The following ULK4 variants were observed in gnomAD, a reference collection of about 807,000 sequenced individuals.
ULK4 encodes the protein inactive serine/threonine-protein kinase ULK4.
Under a neutral mutation model 160.6 loss-of-function variants are expected in ULK4, and 133 were observed. That is an observed-to-expected ratio of 0.83 (90% CI 0.72 to 0.96). ULK4 has a LOEUF of 0.96. ULK4 is among the 40% of genes least tolerant of loss of function. ULK4 has a pLI of 0.00. For synonymous variants in ULK4, 534 were observed against 539.8 expected (o/e 0.99, Z 0.15); for missense variants, 1,580 against 1,499.5 (o/e 1.05, Z -0.89).
At position 41,837,895 on chromosome 3, in the gene ULK4, T is replaced by C. The variant is rs531202427; in HGVS notation, c.1657-1924A>G. On this transcript the variant is annotated intron_variant, in intron 17 of 36. Transcript: ENST00000301831. ...CTTCTTATTGCTGAACGTATTCTATTGTATGGATGTACCAAACGTGTAACT... is the reference window on the plus strand; with the variant it reads ...CTTCTTATTGCTGAACGTATTCTATCGTATGGATGTACCAAACGTGTAACT... 2.0e-5 allele frequency among the ~76,000 whole-genome samples: 3 copies of C among 152,322 alleles called. No homozygotes were observed. In the South Asian group the frequency reaches 6.2e-4, roughly 32 times the overall value.
intron 35 of ULK4, among the ~76,000 whole-genome samples, chr3:41,313,173 G>C (rs1182789410): frequency 6.6e-6 from 1 of 152,166 alleles, no homozygotes; most frequent in Non-Finnish European, 1.5e-5. Flanking sequence ...TAGAGACACA[G>C]CAGAGATGAA....
chr3:41,677,208 A>G (rs2035751928), intron 29 of ULK4, among the ~76,000 whole-genome samples: 1 of 148,702 alleles, frequency 6.7e-6, no homozygotes, highest in Non-Finnish European at 1.5e-5. Context: ...TGTACCCAGC[A>G]GCCCCATTTG....
intron 32 of ULK4, among the ~76,000 whole-genome samples, chr3:41,498,574 TTC>T (rs1321531995): frequency 4.8e-5 from 2 of 42,032 alleles, no homozygotes; most frequent in African/African-American, 8.7e-5. Flanking sequence ...CTTCTTTTTT[TTC>T]TTTTTTTTTT....
intron 19 of ULK4, among the ~76,000 whole-genome samples, chr3:41,803,876 A>C (rs1297569083): frequency 6.6e-6 from 1 of 152,168 alleles, no homozygotes; most frequent in African/African-American, 2.4e-5. Context: ...TTCTTAATCC[A>C]GTCTATCATT....
intron 30 of ULK4, among the ~76,000 whole-genome samples, chr3:41,656,949 T>G (rs1013005974): frequency 2.6e-5 from 4 of 152,222 alleles, no homozygotes; most frequent in African/African-American, 9.6e-5. Context: ...AACAAGATAC[T>G]GGAGTGTTGC....
At chr3:41,744,098 G>A (rs1232445777) in intron 22 of ULK4, among the ~76,000 whole-genome samples, 2 of 151,836 alleles carry the variant, frequency 1.3e-5, no homozygotes, top group Admixed American at 1.3e-4. Flanking sequence ...ATACTCAACA[G>A]TGCTATAAAT....
At chr3:41,426,532 C>T (rs1303015130) in intron 34 of ULK4, among the ~76,000 whole-genome samples, 1 of 152,120 alleles carries the variant, frequency 6.6e-6, no homozygotes, top group Non-Finnish European at 1.5e-5. Context: ...CAAAACACTC[C>T]TCAGAAAATG....
At chr3:41,407,927 C>T (rs2125824304) in intron 34 of ULK4, among the ~76,000 whole-genome samples, 1 of 152,160 alleles carries the variant, frequency 6.6e-6, no homozygotes, top group East Asian at 1.9e-4. Flanking sequence ...TAATCTTATA[C>T]ACAGAAAATC....
chr3:41,368,650 T>A (rs2081300190), intron 35 of ULK4, among the ~76,000 whole-genome samples: 1 of 152,252 alleles, frequency 6.6e-6, no homozygotes, highest in Non-Finnish European at 1.5e-5. Context: ...TGTGGTGCTT[T>A]GTGTCTGTCT....
At chr3:41,465,393 A>G (rs1189942167) in intron 32 of ULK4, among the ~76,000 whole-genome samples, 1 of 152,212 alleles carries the variant, frequency 6.6e-6, no homozygotes, top group Non-Finnish European at 1.5e-5. Context: ...TATAACAGAT[A>G]AAGACTCGTT....
intron 35 of ULK4, among the ~76,000 whole-genome samples, chr3:41,382,430 A>G (rs2081678403): frequency 6.6e-6 from 1 of 152,230 alleles, no homozygotes; most frequent in African/African-American, 2.4e-5. Context: ...GACAAAATAA[A>G]TTCACTTTGA....
chr3:41,880,086 A>C (rs9872232), intron 17 of ULK4, among the ~76,000 whole-genome samples: 132,100 of 152,160 alleles, frequency 0.87, 59,206 homozygotes, highest in Non-Finnish European at 0.98. Context: ...CGCCACTGCA[A>C]TCCAGCCTGG....
At chr3:41,931,668 A>C in intron 5 of ULK4, 176 bp downstream of exon 5, 2 of 716,464 alleles carry the variant, frequency 2.8e-6, no homozygotes, top group Non-Finnish European at 4.6e-6. Context: ...ATCCACATTG[A>C]ATACTTTAGG....
chr3:41,609,744 G>C (rs1197577864), intron 31 of ULK4, among the ~76,000 whole-genome samples: 1 of 152,104 alleles, frequency 6.6e-6, no homozygotes, highest in Admixed American at 6.6e-5. Flanking sequence ...GGCCAAGGTG[G>C]GAAGTCAGCT....
intron 25 of ULK4, 140 bp downstream of exon 25, chr3:41,715,097 A>G: frequency 1.2e-6 from 1 of 811,836 alleles, no homozygotes; most frequent in Non-Finnish European, 2.0e-6. Flanking sequence ...TCAACAGATA[A>G]AAATATTAAA....
intron 5 of ULK4, among the ~76,000 whole-genome samples, chr3:41,922,131 C>T (rs1699206940): frequency 6.6e-6 from 1 of 151,968 alleles, no homozygotes; most frequent in South Asian, 2.1e-4. Context: ...CCAGCCTAGG[C>T]AACAGAGCAA....
At position 41,944,100 on chromosome 3, in the gene ULK4, C is replaced by T. The variant is rs1159353801; in HGVS notation, c.139-5903G>A. On this transcript the variant is annotated intron_variant, in intron 2 of 36. Transcript: ENST00000301831. The stretch of plus-strand genomic sequence containing the variant: ...AAAACACTTAATGGGGTTTATTCAA[C>T]GTAACCCCGTGGCACCCTCTTTCTT... 3.9e-5 allele frequency among the ~76,000 whole-genome samples: 6 copies of T among 152,146 alleles called. 1 individual carries two copies. The highest frequency in any genetic ancestry group is 4.1e-4 in the South Asian group (2 of 4,834).
At chr3:41,802,447 C>T (rs546528805) in intron 19 of ULK4, among the ~76,000 whole-genome samples, 2 of 152,204 alleles carry the variant, frequency 1.3e-5, no homozygotes, top group South Asian at 2.1e-4. Context: ...GAGGCATGTG[C>T]CACCATGCCC....
chr3:41,570,325 G>C (rs1023483969), intron 31 of ULK4, among the ~76,000 whole-genome samples: 3 of 152,294 alleles, frequency 2.0e-5, no homozygotes, highest in Non-Finnish European at 4.4e-5. Flanking sequence ...ATGTTTCACT[G>C]ACACCAGCTT....
Sources: allele counts gnomAD v4.1 joint callset (sites outside exome capture counted in the v4.1 genomes callset), GRCh38; gene constraint gnomAD v4.1.1; transcripts MANE v1.5; gene names NCBI Gene and HGNC (gene_info 2026-07-23, HGNC 2026-07-21).